FAM193B: variants seen among roughly 807,000 people sequenced by gnomAD.
FAM193B encodes the protein family with sequence similarity 193 member B, also known as protein FAM193B.
Under a neutral mutation model 70.7 loss-of-function variants are expected in FAM193B, and 27 were observed. The observed-to-expected ratio is 0.38, with a 90% CI of 0.28 to 0.53. The LOEUF (loss-of-function observed/expected upper bound fraction) is 0.53. Among genes scored for constraint, FAM193B ranks in the 20% least tolerant of loss-of-function variants. The pLI is 0.81. For synonymous variants in FAM193B, 448 were observed against 436.0 expected (o/e 1.03, Z -0.34); for missense variants, 1,022 against 1,072.5 (o/e 0.95, Z 0.66).
Position 177,538,863 on chromosome 5 carries a change from G to C in FAM193B, c.453+42C>G, listed in dbSNP as rs774131143. The stretch of plus-strand genomic sequence containing the variant: ...GGAACAGCCTGACTTCCTTGGGGAG[G>C]AGCCCTCCTGCATTCAGGGACCCCT... On this transcript the variant is annotated intron_variant, in intron 2 of 8. Transcript: ENST00000514747. The surrounding 1 kb of genome is among the most constrained non-coding windows in gnomAD (Gnocchi z 4.1). 5 of 1,606,836 alleles carry C rather than the reference G, an allele frequency of 3.1e-6. No homozygotes were observed. Among genetic ancestry groups the C allele is most frequent in the Middle Eastern group, 3.6e-4 (2 of 5,550 alleles).
At position 177,534,446 on chromosome 5, in the gene FAM193B, G is replaced by A. The variant is rs1022048573; in HGVS notation, c.1077-1805C>T. On this transcript the variant is annotated intron_variant, in intron 4 of 8. Coordinates refer to ENST00000514747, the MANE Select transcript of FAM193B (RefSeq NM_001190946.3). The stretch of plus-strand genomic sequence containing the variant: ...TGAGTAGCTGGGACTACAGACACAC[G>A]CCACCATGCCCAGCTAATTTTTTTT... Among the ~76,000 whole-genome samples, 15 of 151,726 alleles carry A rather than the reference G, an allele frequency of 9.9e-5. No homozygotes were observed. The East Asian group carries it at 2.1e-3, about 22-fold the overall frequency.
chr5:177,534,617 A>G (rs1366446072), intron 4 of FAM193B, among the ~76,000 whole-genome samples: 3 of 151,796 alleles, frequency 2.0e-5, no homozygotes, highest in African/African-American at 7.3e-5. Flanking sequence ...AATTGATTTT[A>G]TTTTCTATTT....
In FAM193B at chr5:177,536,888, A is replaced by G. The variant is rs1404510757; in HGVS notation, c.689-143T>C. 3.4e-6 allele frequency: 4 copies of G among 1,166,910 alleles called. No individual in the cohort carries two copies. The African/African-American group carries it at 4.8e-5, about 14-fold the overall frequency. 72.3% of individuals were successfully genotyped at this position (1,166,910 alleles called of 1,614,324 possible). A position where few individuals can be genotyped will look rare whatever the true frequency, so the allele number is the denominator to read the frequency against. ...ACAGGGGACCCTGGAGCTGCAGAAGATTCTGTGTGGGCAGCAACACAGCTG... is the reference window on the plus strand; with the variant it reads ...ACAGGGGACCCTGGAGCTGCAGAAGGTTCTGTGTGGGCAGCAACACAGCTG... On this transcript the variant is annotated intron_variant, in intron 3 of 8. Transcript: ENST00000514747.
chr5:177,546,742 G>C (rs1427988976), intron 1 of FAM193B, among the ~76,000 whole-genome samples: 4 of 152,204 alleles, frequency 2.6e-5, no homozygotes. Flanking sequence ...CACACTACGA[G>C]ACTAGTCAGT....
chr5:177,522,082 TGG>T lies in FAM193B; in HGVS notation c.2373-13_2373-12del. The T allele has an allele frequency of 6.2e-7, 1 of 1,611,584 alleles. No homozygotes were observed. The highest frequency in any genetic ancestry group is 8.5e-7 in the Non-Finnish European group (1 of 1,177,754). On this transcript the variant is annotated splice_polypyrimidine_tract_variant and intron_variant, in intron 7 of 8. Transcript: ENST00000514747. ...GAATCCAAACAGAACCTGTTGGGTTTGGGGGACACATGAGAAGCACAATCAGA... is the reference window on the plus strand; with the variant it reads ...GAATCCAAACAGAACCTGTTGGGTTTGGGACACATGAGAAGCACAATCAGA...
chr5:177,534,061 C>T (rs889567224), intron 4 of FAM193B, among the ~76,000 whole-genome samples: 18 of 152,188 alleles, frequency 1.2e-4, no homozygotes, highest in East Asian at 5.8e-4. Flanking sequence ...CTGGTCCCAA[C>T]GCTGGGCTGA....
At chr5:177,551,251 CT>C (rs1469921331) in intron 1 of FAM193B, among the ~76,000 whole-genome samples, 1 of 135,872 alleles carries the variant, frequency 7.4e-6, no homozygotes, top group Non-Finnish European at 1.5e-5. Context: ...CCTACAATTG[CT>C]TTTTCAGTTG....
Position 177,537,930 on chromosome 5 carries a change from G to T in FAM193B, c.631C>A (p.Pro211Thr). 6.3e-7 allele frequency: 1 copy of T among 1,593,448 alleles called. No individual in the cohort carries two copies. The highest frequency in any genetic ancestry group is 2.3e-5 in the East Asian group (1 of 44,014). Residue 211 changes from proline (P) to threonine (T), a missense_variant, in exon 3 of 9, where the codon CCA becomes ACA. Coordinates refer to ENST00000514747, the MANE Select transcript of FAM193B (RefSeq NM_001190946.3). ...AHKLSGLWNSPHSSGAMPGSS... is the reference protein window; with the variant it reads ...AHKLSGLWNSTHSSGAMPGSS... ...CCTGGCATGGCCCCACTGGAATGTG[G>T]GGAATTCCAGAGGCCCGAGAGCTTA...
intron 8 of FAM193B, among the ~76,000 whole-genome samples, chr5:177,520,890 A>C (rs961544400): frequency 3.9e-5 from 6 of 152,204 alleles, no homozygotes; most frequent in African/African-American, 9.7e-5. Context: ...AGTGTAAAGA[A>C]GACAGTCTGG....
intron 1 of FAM193B, among the ~76,000 whole-genome samples, chr5:177,544,038 C>T (rs1687321623): frequency 6.6e-6 from 1 of 152,234 alleles, no homozygotes; most frequent in African/African-American, 2.4e-5. Flanking sequence ...GCAGGTCTAG[C>T]CTTAGGCAAA....
At chr5:177,525,670 G>C (rs1287437276) in intron 5 of FAM193B, among the ~76,000 whole-genome samples, 1 of 152,208 alleles carries the variant, frequency 6.6e-6, no homozygotes, top group Non-Finnish European at 1.5e-5. Context: ...GCTATGTCTG[G>C]GTGTTACCAA....
Position 177,532,445 on chromosome 5 carries a change from C to A in FAM193B, c.1273G>T (p.Ala425Ser). ...CTAGCCTGGGCAGGCTCACTCACCG[C>A]ATTGTGGCCGAAGAACTCACAGTAG... Reference protein sequence around the residue: ...CCYCEFFGHNAEKEKAQLAAE... With the variant: ...CCYCEFFGHNSEKEKAQLAAE... Residue 425 changes from alanine (A) to serine (S), a missense_variant and splice_region_variant, in exon 5 of 9, where the codon GCG becomes TCG. Transcript: ENST00000514747. This position sits in a 1 kb window ranked among gnomAD's most constrained non-coding sequence, Gnocchi z 4.9. 1 of 1,609,504 alleles carries A rather than the reference C, an allele frequency of 6.2e-7. No individual in the cohort carries two copies. Among genetic ancestry groups the A allele is most frequent in the South Asian group, 1.1e-5 (1 of 89,628 alleles).
At position 177,524,223 on chromosome 5, in the gene FAM193B, CG is replaced by C. The variant is rs1561748050; in HGVS notation, c.2257del (p.Arg753GlyfsTer54). On this transcript the variant is annotated frameshift_variant, in exon 6 of 9. Transcript: ENST00000514747. LOFTEE classifies it high-confidence loss of function. ...SLPQGKGRSR[R>X]SRNKQEKPAS... The stretch of plus-strand genomic sequence containing the variant: ...TGGCTTCTCCTGCTTGTTGCGGCTC[CG>C]GCGGCTGCGGCCCTTGCCCTGGGGC... 1 of 1,545,780 alleles carries C rather than the reference CG, an allele frequency of 6.5e-7. No homozygotes were observed. The highest frequency in any genetic ancestry group is 2.3e-5 in the East Asian group (1 of 43,380).
chr5:177,552,350 AG>A (rs1352778350), intron 1 of FAM193B, among the ~76,000 whole-genome samples: 4 of 152,252 alleles, frequency 2.6e-5, no homozygotes, highest in African/African-American at 9.6e-5. Context: ...AGGTATGTAA[AG>A]TGCCTGGCAC....
In FAM193B at chr5:177,531,958, G is replaced by A. The variant is rs1763529285; in HGVS notation, c.1275+485C>T. ...AGCGGCCCTCTCCTCTTCACCTTATGAGACTTCTGCACTGCTTCCTCCCCC... is the reference window on the plus strand; with the variant it reads ...AGCGGCCCTCTCCTCTTCACCTTATAAGACTTCTGCACTGCTTCCTCCCCC... On this transcript the variant is annotated intron_variant, in intron 5 of 8. Coordinates refer to ENST00000514747, the MANE Select transcript of FAM193B (RefSeq NM_001190946.3). 5.5e-5 allele frequency: 70 copies of A among 1,280,198 alleles called. No homozygotes were observed. In the South Asian group the frequency reaches 7.7e-4, roughly 14 times the overall value. 79.3% of individuals were successfully genotyped at this position (1,280,198 alleles called of 1,614,324 possible).
In FAM193B at chr5:177,537,949, G is replaced by C; in HGVS notation, c.612C>G (p.Leu204=). The part of the protein sequence containing the change: ...DPSSFLSAHK[L]SGLWNSPHSS... ...AATGTGGGGAATTCCAGAGGCCCGA[G>C]AGCTTATGTGCCGACAGGAACGAGC... Residue 204 remains leucine, a synonymous_variant, in exon 3 of 9, where the codon CTC becomes CTG. Transcript: ENST00000514747. The C allele has an allele frequency of 5.7e-6, 9 of 1,577,166 alleles. No homozygotes were observed. The highest frequency in any genetic ancestry group is 7.7e-6 in the Non-Finnish European group (9 of 1,161,406).
chr5:177,551,999 A>G (rs1766318310), intron 1 of FAM193B: 1 of 983,074 alleles, frequency 1.0e-6, no homozygotes, highest in South Asian at 4.7e-5. Context: ...CTTTGGGGCT[A>G]TAGTTTAAAA....
intron 1 of FAM193B, among the ~76,000 whole-genome samples, chr5:177,547,475 G>A (rs970243132): frequency 6.6e-6 from 1 of 150,492 alleles, no homozygotes; most frequent in East Asian, 2.0e-4. Context: ...TAGTAGAGAC[G>A]GGGTTTCACC....
Position 177,525,050 on chromosome 5 carries a change from C to T in FAM193B, c.1431G>A (p.Glu477=). Residue 477 remains glutamate (E), a synonymous_variant, in exon 6 of 9, where the codon GAG becomes GAA. Transcript: ENST00000514747. The part of the protein sequence containing the change: ...VNSFLSSRLQ[E]IKNTVKDSIR... ...TGGAGTCTTTGACAGTGTTTTTGAT[C>T]TCCTGCAGACGGCTGCTCAGGAAGC... 2 of 1,591,018 alleles carry T rather than the reference C, an allele frequency of 1.3e-6. No individual in the cohort carries two copies.
Sources: allele counts gnomAD v4.1 joint callset (sites outside exome capture counted in the v4.1 genomes callset), GRCh38; gene constraint gnomAD v4.1.1; non-coding constraint Gnocchi (gnomAD v3.1); transcripts MANE v1.5; gene names NCBI Gene and HGNC (gene_info 2026-07-23, HGNC 2026-07-21).